Variants in CYP2C18 observed in about 807,000 individuals in gnomAD.
CYP2C18 encodes the protein cytochrome P450 family 2 subfamily C member 18.
In CYP2C18, 38 loss-of-function variants were observed where a neutral mutation model predicts 41.3. The ratio of observed to expected loss-of-function variants is 0.92; its 90% CI spans 0.71 to 1.21. The LOEUF (loss-of-function observed/expected upper bound fraction) is 1.21. Ranked by LOEUF, CYP2C18 falls within the 50% of genes most tolerant of loss-of-function variation. The pLI, the probability that CYP2C18 is intolerant of heterozygous loss-of-function variation, is 0.00. For synonymous variants in CYP2C18, 236 were observed against 210.0 expected (o/e 1.12, Z -1.07); for missense variants, 635 against 591.4 (o/e 1.07, Z -0.77).
intron 7 of CYP2C18, among the ~76,000 whole-genome samples, chr10:94,731,544 G>A (rs544934129): frequency 2.6e-5 from 4 of 152,072 alleles, no homozygotes; most frequent in South Asian, 2.1e-4. Flanking sequence ...AGCTGGAGTC[G>A]TCACGCTACC....
chr10:94,729,475 TG>T (rs755255194), intron 7 of CYP2C18, among the ~76,000 whole-genome samples: 17 of 152,158 alleles, frequency 1.1e-4, no homozygotes, highest in Non-Finnish European at 2.1e-4. Flanking sequence ...TAAGTAGTTC[TG>T]ATTTTTAAAA....
At chr10:94,701,792 G>C (rs1307813099) in intron 4 of CYP2C18, among the ~76,000 whole-genome samples, 1 of 152,106 alleles carries the variant, frequency 6.6e-6, no homozygotes, top group Non-Finnish European at 1.5e-5. Flanking sequence ...GAATGAGCCT[G>C]ACCTAAACAG....
intron 4 of CYP2C18, among the ~76,000 whole-genome samples, chr10:94,696,399 A>G (rs1161588553): frequency 6.6e-6 from 1 of 152,196 alleles, no homozygotes; most frequent in African/African-American, 2.4e-5. Flanking sequence ...GCAAACTCCA[A>G]CAGACCTGCA....
At chr10:94,700,189 A>C (rs1847208706) in intron 4 of CYP2C18, among the ~76,000 whole-genome samples, 1 of 152,238 alleles carries the variant, frequency 6.6e-6, no homozygotes, top group Admixed American at 6.5e-5. Context: ...AAGCCGAAAG[A>C]ACAAAGCTGG....
rs1051116147 is a variant in CYP2C18 at position 94,696,583 on chromosome 10, C to G, written c.642+1506C>G. ...TAAAAATCAGAGTGCCTCTCCTCCC[C>G]CAAAGGAATGCAGCTCCTCACCAGC... On this transcript the variant is annotated intron_variant, in intron 4 of 8. Coordinates refer to ENST00000285979, the MANE Select transcript of CYP2C18 (RefSeq NM_000772.3). Among the ~76,000 whole-genome samples, 8 of 152,266 alleles carry G rather than the reference C, an allele frequency of 5.3e-5. No individual in the cohort carries two copies. In the South Asian group the frequency reaches 1.7e-3, roughly 32 times the overall value.
chr10:94,711,193 C>T (rs1413365179), intron 5 of CYP2C18, among the ~76,000 whole-genome samples: 1 of 152,114 alleles, frequency 6.6e-6, no homozygotes, highest in Admixed American at 6.6e-5. Context: ...GTCTTCATGT[C>T]TGTAGTGTCT....
At chr10:94,694,798 A>T in intron 3 of CYP2C18, 119 bp from the exon 4 acceptor site, 2 of 1,114,622 alleles carry the variant, frequency 1.8e-6, no homozygotes, top group Non-Finnish European at 2.5e-6. Context: ...TTGTGTTGAT[A>T]AGAGAATTTC....
Position 94,732,277 on chromosome 10 carries a change from T to A in CYP2C18, c.1150-1020T>A, listed in dbSNP as rs570658177. Among the ~76,000 whole-genome samples, 16 of 151,890 alleles carry A rather than the reference T, an allele frequency of 1.1e-4. No homozygotes were observed. The South Asian group carries it at 3.3e-3, about 31-fold the overall frequency. The stretch of plus-strand genomic sequence containing the variant: ...AAATCAAAACCAAAATGGGATACCA[T>A]CTCACATCAGTCAGAATGGCTATGA... On this transcript the variant is annotated intron_variant, in intron 7 of 8. Coordinates refer to ENST00000285979, the MANE Select transcript of CYP2C18 (RefSeq NM_000772.3).
chr10:94,696,500 C>G (rs1487986617), intron 4 of CYP2C18, among the ~76,000 whole-genome samples: 1 of 152,002 alleles, frequency 6.6e-6, no homozygotes, highest in Non-Finnish European at 1.5e-5. Context: ...CATCAAAGAC[C>G]AAAGGTAGAT....
At chr10:94,685,852 A>G (rs1575934) in intron 1 of CYP2C18, among the ~76,000 whole-genome samples, 73,084 of 151,852 alleles carry the variant, frequency 0.48, 18,454 homozygotes, top group African/African-American at 0.62. Flanking sequence ...ATTCTTTTTG[A>G]TTAATTTGCT....
intron 7 of CYP2C18, among the ~76,000 whole-genome samples, chr10:94,725,168 T>C (rs1057458949): frequency 2.7e-5 from 4 of 150,726 alleles, no homozygotes; most frequent in Non-Finnish European, 4.4e-5. Flanking sequence ...ATTGATCTTC[T>C]GGGCTCAAGC....
intron 5 of CYP2C18, among the ~76,000 whole-genome samples, chr10:94,718,939 T>C (rs1489509385): frequency 6.6e-6 from 1 of 152,098 alleles, no homozygotes; most frequent in Non-Finnish European, 1.5e-5. Flanking sequence ...AATTGTATGG[T>C]GTAGTGCCTG....
At chr10:94,734,521 A>G (rs979935674) in intron 8 of CYP2C18, among the ~76,000 whole-genome samples, 2 of 152,196 alleles carry the variant, frequency 1.3e-5, no homozygotes, top group Non-Finnish European at 2.9e-5. Flanking sequence ...TCTATTGACT[A>G]GGGATCACAG....
intron 1 of CYP2C18, among the ~76,000 whole-genome samples, chr10:94,684,967 T>A (rs994845151): frequency 6.6e-6 from 1 of 152,134 alleles, no homozygotes; most frequent in Non-Finnish European, 1.5e-5. Context: ...TTAAAAAATA[T>A]ATCTTGGCCA....
chr10:94,727,408 A>G (rs1847758239), intron 7 of CYP2C18, among the ~76,000 whole-genome samples: 2 of 152,126 alleles, frequency 1.3e-5, no homozygotes, highest in Admixed American at 1.3e-4. Context: ...TGCACCCAGG[A>G]GCTGGAGGCC....
At chr10:94,684,070 G>A (rs1846838151) in intron 1 of CYP2C18, 83 bp downstream of exon 1, 3 of 955,624 alleles carry the variant, frequency 3.1e-6, no homozygotes, top group Admixed American at 2.9e-5. Flanking sequence ...ATTTTAAAGT[G>A]ATAAATGATA....
chr10:94,724,030 CT>C (rs1459114751), intron 6 of CYP2C18, among the ~76,000 whole-genome samples: 1 of 151,570 alleles, frequency 6.6e-6, no homozygotes, highest in Non-Finnish European at 1.5e-5. Context: ...TTTTTTCTTT[CT>C]TCAAGAACAG....
chr10:94,695,861 A>G (rs935694358), intron 4 of CYP2C18, among the ~76,000 whole-genome samples: 1 of 152,132 alleles, frequency 6.6e-6, no homozygotes, highest in East Asian at 1.9e-4. Flanking sequence ...AGAGGGTCCT[A>G]CACCCATGAA....
At chr10:94,725,257 A>T (rs890633805) in intron 7 of CYP2C18, among the ~76,000 whole-genome samples, 3 of 151,224 alleles carry the variant, frequency 2.0e-5, no homozygotes, top group Non-Finnish European at 3.0e-5. Context: ...AATATACTTT[A>T]AAAAAAATGC....
Sources: gnomAD v4.1 joint callset for allele counts (sites outside exome capture counted in the v4.1 genomes callset) on GRCh38, gnomAD v4.1.1 for gene constraint, MANE v1.5 for transcripts, NCBI Gene and HGNC (gene_info 2026-07-23, HGNC 2026-07-21) for gene names.